HS3ST4: variants seen among roughly 807,000 people sequenced by gnomAD.
HS3ST4 encodes heparan sulfate glucosamine 3-O-sulfotransferase 4.
In HS3ST4, 17 loss-of-function variants were observed where a neutral mutation model predicts 29.2. The observed-to-expected ratio is 0.58, with a 90% CI of 0.40 to 0.87. The LOEUF (loss-of-function observed/expected upper bound fraction) is 0.87. HS3ST4 is among the 40% of genes least tolerant of loss of function. The pLI, the probability that HS3ST4 is intolerant of heterozygous loss-of-function variation, is 0.00. For synonymous variants in HS3ST4, 314 were observed against 285.7 expected (o/e 1.10, Z -1.00); for missense variants, 627 against 634.5 (o/e 0.99, Z 0.13).
intron 1 of HS3ST4, among the ~76,000 whole-genome samples, chr16:25,952,705 C>T (rs1968693387): frequency 6.6e-6 from 1 of 152,156 alleles, no homozygotes; most frequent in South Asian, 2.1e-4. Context: ...GCTGTGTGAG[C>T]AAGGGTGAGT....
chr16:25,955,283 G>A (rs150090824), intron 1 of HS3ST4, among the ~76,000 whole-genome samples: 20 of 152,294 alleles, frequency 1.3e-4, no homozygotes, highest in African/African-American at 4.8e-4. Flanking sequence ...AGAGGGTTAT[G>A]GCACTAGGCT....
intron 1 of HS3ST4, among the ~76,000 whole-genome samples, chr16:26,086,410 C>A (rs1898787698): frequency 6.6e-6 from 1 of 151,488 alleles, no homozygotes; most frequent in South Asian, 2.1e-4. Context: ...AGTGCAGTGG[C>A]ACGATCTCGG....
chr16:25,790,814 A>G (rs900584043), intron 1 of HS3ST4, among the ~76,000 whole-genome samples: 1 of 152,198 alleles, frequency 6.6e-6, no homozygotes, highest in East Asian at 1.9e-4. Flanking sequence ...GTTGGATATA[A>G]TTATTGAAAA....
chr16:25,853,649 G>A (rs1967543704), intron 1 of HS3ST4, among the ~76,000 whole-genome samples: 1 of 152,046 alleles, frequency 6.6e-6, no homozygotes, highest in Non-Finnish European at 1.5e-5. Flanking sequence ...TTCTGCCCTT[G>A]CATTTTGTTA....
chr16:25,847,075 A>G (rs1391257657), intron 1 of HS3ST4, among the ~76,000 whole-genome samples: 1 of 145,368 alleles, frequency 6.9e-6, no homozygotes, highest in African/African-American at 2.6e-5. Context: ...GCAGTTTATT[A>G]GCTTTCTTTA....
intron 1 of HS3ST4, among the ~76,000 whole-genome samples, chr16:25,846,521 G>A (rs1967467423): frequency 1.3e-5 from 2 of 149,310 alleles, no homozygotes; most frequent in Admixed American, 1.3e-4. Flanking sequence ...GCAACAATGT[G>A]AGACCCCATC....
intron 1 of HS3ST4, among the ~76,000 whole-genome samples, chr16:25,804,033 G>T (rs1306159923): frequency 6.6e-6 from 1 of 151,904 alleles, no homozygotes; most frequent in Non-Finnish European, 1.5e-5. Flanking sequence ...TGTCCCCTGA[G>T]GTTATCACAG....
chr16:25,908,775 G>A (rs1968205277), intron 1 of HS3ST4, among the ~76,000 whole-genome samples: 1 of 152,214 alleles, frequency 6.6e-6, no homozygotes, highest in Non-Finnish European at 1.5e-5. Flanking sequence ...TGCAGGTGAG[G>A]TAGCAAAAGT....
chr16:25,977,578 C>G (rs751982490), intron 1 of HS3ST4, among the ~76,000 whole-genome samples: 1 of 152,174 alleles, frequency 6.6e-6, no homozygotes, highest in Non-Finnish European at 1.5e-5. Context: ...TGGTTTCCCC[C>G]ATAGAATCAC....
At chr16:25,896,598 A>G (rs1043170503) in intron 1 of HS3ST4, among the ~76,000 whole-genome samples, 1 of 152,158 alleles carries the variant, frequency 6.6e-6, no homozygotes, top group Non-Finnish European at 1.5e-5. Flanking sequence ...TTTCTCAAAG[A>G]ACTGAGTTGA....
intron 1 of HS3ST4, among the ~76,000 whole-genome samples, chr16:26,127,857 A>G (rs2141814322): frequency 6.6e-6 from 1 of 152,180 alleles, no homozygotes; most frequent in East Asian, 1.9e-4. Context: ...ACTTTAAAAC[A>G]ACAAATATTG....
chr16:25,976,851 G>A (rs59634026), intron 1 of HS3ST4, among the ~76,000 whole-genome samples: 2,127 of 152,280 alleles, frequency 0.014, 46 homozygotes, highest in African/African-American at 0.049. Context: ...AAGAGGAGTG[G>A]TAGACGGCAT....
intron 1 of HS3ST4, among the ~76,000 whole-genome samples, chr16:25,897,930 G>A (rs966499560): frequency 6.6e-6 from 1 of 152,152 alleles, no homozygotes; most frequent in African/African-American, 2.4e-5. Flanking sequence ...AAATGACAAG[G>A]TGCCTCATTT....
chr16:25,947,385 G>A (rs187110245), intron 1 of HS3ST4, among the ~76,000 whole-genome samples: 61 of 152,104 alleles, frequency 4.0e-4, no homozygotes, highest in African/African-American at 1.4e-3. Context: ...AACCCCCTCC[G>A]CAAAAACTCC....
intron 1 of HS3ST4, among the ~76,000 whole-genome samples, chr16:26,087,412 AC>A: frequency 6.6e-6 from 1 of 152,166 alleles, no homozygotes; most frequent in Non-Finnish European, 1.5e-5. Flanking sequence ...ATTGGGATTC[AC>A]CCAAGCCAAG....
At chr16:25,749,819 C>A (rs999459483) in intron 1 of HS3ST4, among the ~76,000 whole-genome samples, 1 of 152,064 alleles carries the variant, frequency 6.6e-6, no homozygotes, top group Non-Finnish European at 1.5e-5. Context: ...CTTCCAAGAA[C>A]CTTATGTGGT....
At chr16:25,727,594 G>T (rs935197340) in intron 1 of HS3ST4, among the ~76,000 whole-genome samples, 5 of 152,144 alleles carry the variant, frequency 3.3e-5, no homozygotes, top group Non-Finnish European at 1.5e-5. Context: ...TGCCAGAGTG[G>T]AGAAAATCTA....
intron 1 of HS3ST4, among the ~76,000 whole-genome samples, chr16:25,752,192 C>T (rs550518092): frequency 2.6e-5 from 4 of 152,260 alleles, no homozygotes; most frequent in South Asian, 4.2e-4. Flanking sequence ...TCACTAATTA[C>T]GCCAACTAAT....
intron 1 of HS3ST4, among the ~76,000 whole-genome samples, chr16:25,855,003 A>G (rs1341445830): frequency 1.3e-5 from 2 of 152,178 alleles, no homozygotes; most frequent in African/African-American, 4.8e-5. Context: ...AGATAGAAAT[A>G]CAGGTAAAGA....
Sources: gnomAD v4.1 joint callset for allele counts (sites outside exome capture counted in the v4.1 genomes callset) on GRCh38, gnomAD v4.1.1 for gene constraint, MANE v1.5 for transcripts, NCBI Gene and HGNC (gene_info 2026-07-23, HGNC 2026-07-21) for gene names.